The following FAM114A1 variants were observed in gnomAD, a reference collection of about 807,000 sequenced individuals.
FAM114A1 encodes protein NOXP20.
In FAM114A1, 62 loss-of-function variants were observed where a neutral mutation model predicts 64.3. The ratio of observed to expected loss-of-function variants is 0.96; its 90% confidence interval spans 0.79 to 1.19. FAM114A1 has a LOEUF of 1.19. Among genes scored for constraint, FAM114A1 ranks in the 50% most tolerant of loss-of-function variants. The pLI, the probability that FAM114A1 is intolerant of heterozygous loss-of-function variation, is 0.00. For synonymous variants in FAM114A1, 254 were observed against 251.1 expected (o/e 1.01, Z -0.11); for missense variants, 645 against 676.3 (o/e 0.95, Z 0.51).
Position 38,929,368 on chromosome 4 carries a change from A to AAC in FAM114A1, c.1161+36_1161+37insCA, listed in dbSNP as rs763559017. 5 of 1,511,082 alleles carry AAC rather than the reference A, an allele frequency of 3.3e-6. No individual in the cohort carries two copies. In the African/African-American group the frequency reaches 6.9e-5, roughly 21 times the overall value. 93.6% of individuals were successfully genotyped at this position (1,511,082 alleles called of 1,614,324 possible). A position where few individuals can be genotyped will look rare whatever the true frequency, so the allele number is the denominator to read the frequency against. On this transcript the variant is annotated intron_variant, in intron 10 of 14. Transcript: ENST00000358869. ...GTCTGATTTATAGTTTCTGGTTAAAAAAAAACAGTGCAGGGGAGAGTCTCT... is the reference window on the plus strand; with the variant it reads ...GTCTGATTTATAGTTTCTGGTTAAAAACAAAAACAGTGCAGGGGAGAGTCTCT...
At chr4:38,908,837 C>T in intron 7 of FAM114A1, 111 bp downstream of exon 7, 4 of 1,122,500 alleles carry the variant, frequency 3.6e-6, no homozygotes, top group South Asian at 2.2e-5. Context: ...TCAAATGACA[C>T]CAAAGAGCAG....
At chr4:38,908,378 T>C (rs1053201712) in intron 6 of FAM114A1, among the ~76,000 whole-genome samples, 1 of 152,240 alleles carries the variant, frequency 6.6e-6, no homozygotes, top group African/African-American at 2.4e-5. Flanking sequence ...CATCAGTCTT[T>C]AATAACATTG....
intron 10 of FAM114A1, 98 bp downstream of exon 10, chr4:38,929,431 C>G: frequency 1.1e-6 from 1 of 907,936 alleles, no homozygotes; most frequent in South Asian, 1.5e-5. Context: ...AATGGAAAAC[C>G]CCCAAATCTT....
intron 8 of FAM114A1, 144 bp from the exon 9 acceptor site, chr4:38,922,626 A>G: frequency 1.0e-6 from 1 of 990,822 alleles, no homozygotes; most frequent in Non-Finnish European, 1.5e-6. Context: ...TGCACAGTTA[A>G]CATGCATCAA....
intron 13 of FAM114A1, among the ~76,000 whole-genome samples, chr4:38,940,477 A>G (rs1320278776): frequency 1.3e-5 from 2 of 152,122 alleles, no homozygotes; most frequent in East Asian, 3.8e-4. Flanking sequence ...AAAGAAACAG[A>G]AAAAAACCTC....
chr4:38,920,995 A>C (rs1159990896), intron 8 of FAM114A1, among the ~76,000 whole-genome samples: 3 of 152,168 alleles, frequency 2.0e-5, no homozygotes, highest in African/African-American at 7.2e-5. Flanking sequence ...TTTTAGGAAA[A>C]TGGTGTCCTG....
intron 4 of FAM114A1, among the ~76,000 whole-genome samples, chr4:38,899,293 G>C (rs1378147261): frequency 6.6e-6 from 1 of 152,112 alleles, no homozygotes; most frequent in African/African-American, 2.4e-5. Context: ...TTGGGAGCTT[G>C]GGGTTTGGGA....
intron 4 of FAM114A1, among the ~76,000 whole-genome samples, chr4:38,899,608 A>G (rs1488738053): frequency 6.6e-6 from 1 of 152,234 alleles, no homozygotes. Flanking sequence ...TTAGGTAAAT[A>G]TGCTTTTATA....
chr4:38,904,681 G>T (rs938112335), intron 4 of FAM114A1, among the ~76,000 whole-genome samples: 2 of 152,176 alleles, frequency 1.3e-5, no homozygotes, highest in Non-Finnish European at 2.9e-5. Context: ...CTAAAGGAAG[G>T]CCTAATGCTT....
At chr4:38,868,050 G>A (rs1157250771) in intron 1 of FAM114A1, 2 of 426,190 alleles carry the variant, frequency 4.7e-6, no homozygotes, top group Admixed American at 5.0e-5. Context: ...CGTGGGTGCG[G>A]GCGTGTGAGT....
intron 6 of FAM114A1, among the ~76,000 whole-genome samples, chr4:38,907,248 G>T (rs1028544845): frequency 1.3e-5 from 2 of 152,108 alleles, no homozygotes; most frequent in African/African-American, 4.8e-5. Context: ...CCCCGTGGGG[G>T]GTTTGTAGGA....
rs200345622 is a variant in FAM114A1 at position 38,905,776 on chromosome 4, A to C, written c.572A>C (p.Gln191Pro). Residue 191 changes from glutamine to proline, a missense_variant, in exon 6 of 15, where the codon CAG (glutamine) becomes CCG (proline). By Grantham distance (76) the Gln-to-Pro change is moderately conservative. Transcript: ENST00000358869. The part of the protein sequence containing the change: ...VPEITDAATD[Q>P]GPAESPPTSP... ...TTAGTAACAGATGCAGCCACAGATC[A>C]GGGCCCTGCAGAAAGCCCACCCACT... is the stretch of plus-strand genomic sequence containing the variant. 1.2e-6 allele frequency: 2 copies of C among 1,613,930 alleles called. No homozygotes were observed. Among genetic ancestry groups the C allele is most frequent in the South Asian group, 2.2e-5 (2 of 91,046 alleles).
At chr4:38,881,263 A>G (rs1428226670) in intron 3 of FAM114A1, among the ~76,000 whole-genome samples, 3 of 152,184 alleles carry the variant, frequency 2.0e-5, no homozygotes, top group South Asian at 2.1e-4. Flanking sequence ...GTCAAATGGA[A>G]TGAATCTTGC....
chr4:38,928,619 C>T (rs1485181979), intron 9 of FAM114A1, among the ~76,000 whole-genome samples: 1 of 152,040 alleles, frequency 6.6e-6, no homozygotes, highest in Non-Finnish European at 1.5e-5. Flanking sequence ...CAAGAGTGAG[C>T]AGAAGAAATA....
chr4:38,872,557 C>T (rs139573672), intron 2 of FAM114A1, among the ~76,000 whole-genome samples: 9 of 152,166 alleles, frequency 5.9e-5, no homozygotes, highest in African/African-American at 1.2e-4. Context: ...TACCATCTAC[C>T]GATTTAAAAA....
chr4:38,940,598 C>T (rs558820746), intron 13 of FAM114A1, among the ~76,000 whole-genome samples: 28 of 152,294 alleles, frequency 1.8e-4, no homozygotes, highest in African/African-American at 6.7e-4. Flanking sequence ...ACTCTGCCTA[C>T]ACAACTCAAC....
chr4:38,876,662 T>G lies in FAM114A1; in HGVS notation c.-8-1409T>G, dbSNP rs144458762. ...TATCAGTGCTGTGACAAATTACAAC[T>G]AACTTCACGGCTTTTGCCAACACAG... On this transcript the variant is annotated intron_variant, in intron 2 of 14. Coordinates refer to ENST00000358869, the MANE Select transcript of FAM114A1 (RefSeq NM_138389.4). 5.0e-3 allele frequency among the ~76,000 whole-genome samples: 767 copies of G among 152,358 alleles called. 7 individuals are homozygous for G. Among genetic ancestry groups the G allele is most frequent in the African/African-American group, 0.017 (704 of 41,586 alleles).
At chr4:38,886,546 T>G (rs1560293030) in intron 3 of FAM114A1, among the ~76,000 whole-genome samples, 1 of 152,110 alleles carries the variant, frequency 6.6e-6, no homozygotes, top group Non-Finnish European at 1.5e-5. Flanking sequence ...AGACACATTT[T>G]GTTCATGTCG....
intron 4 of FAM114A1, among the ~76,000 whole-genome samples, chr4:38,893,833 A>G (rs1261564733): frequency 2.6e-5 from 4 of 152,144 alleles, no homozygotes; most frequent in East Asian, 3.8e-4. Flanking sequence ...CCTGGTTCAC[A>G]TGTAACCAGT....
Sources: gnomAD v4.1 joint callset for allele counts (sites outside exome capture counted in the v4.1 genomes callset) on GRCh38, gnomAD v4.1.1 for gene constraint, MANE v1.5 for transcripts, NCBI Gene and HGNC (gene_info 2026-07-23, HGNC 2026-07-21) for gene names.